Variants in ADGRL2 observed in about 807,000 individuals in gnomAD.
The protein encoded by ADGRL2 is calcium-independent alpha-latrotoxin receptor 2.
ADGRL2 carries 44 observed loss-of-function variants against 157.4 expected under a neutral mutation model. That is an observed-to-expected ratio of 0.28 (90% confidence interval 0.22 to 0.36). The LOEUF (loss-of-function observed/expected upper bound fraction) is 0.36. ADGRL2 is among the 10% of genes least tolerant of loss of function. The pLI, the probability that ADGRL2 is intolerant of heterozygous loss-of-function variation, is 1.00. For missense variants in ADGRL2, 1,510 were observed against 1,768.9 expected (o/e 0.85, Z 2.63); for synonymous variants, 585 against 624.7 (o/e 0.94, Z 0.95).
chr1:81,410,247 C>T (rs189542193), intron 1 of ADGRL2, among the ~76,000 whole-genome samples: 122 of 152,308 alleles, frequency 8.0e-4, no homozygotes, highest in Admixed American at 2.1e-3. Flanking sequence ...GATTTGCTAT[C>T]TACCTTTAAA....
chr1:81,970,638 C>T, intron 16 of ADGRL2, 104 bp downstream of exon 16: 1 of 805,690 alleles, frequency 1.2e-6, no homozygotes, highest in Non-Finnish European at 2.0e-6. Flanking sequence ...CATCTGAAAG[C>T]TTTATTGGTA....
chr1:81,928,967 A>G (rs2095169817), intron 3 of ADGRL2, among the ~76,000 whole-genome samples: 1 of 152,194 alleles, frequency 6.6e-6, no homozygotes, highest in Non-Finnish European at 1.5e-5. Context: ...AATAGCCACT[A>G]AAATATTTAA....
At chr1:81,459,717 TATACACACAC>T (rs1252024514) in intron 2 of ADGRL2, among the ~76,000 whole-genome samples, 1 of 151,262 alleles carries the variant, frequency 6.6e-6, no homozygotes, top group Non-Finnish European at 1.5e-5. Flanking sequence ...CACACACACA[TATACACACAC>T]ATACACACAC....
At chr1:81,968,336 C>T (rs765709228) in intron 14 of ADGRL2, 137 bp downstream of exon 14, 68 of 717,864 alleles carry the variant, frequency 9.5e-5, no homozygotes, top group Non-Finnish European at 1.5e-4. Context: ...ATTGTTTCTA[C>T]ACTGTCCATA....
At chr1:81,626,862 T>C (rs1377806595) in intron 3 of ADGRL2, among the ~76,000 whole-genome samples, 1 of 152,124 alleles carries the variant, frequency 6.6e-6, no homozygotes, top group African/African-American at 2.4e-5. Context: ...GGGAGGAGAA[T>C]ATTGGCAGTT....
intron 2 of ADGRL2, among the ~76,000 whole-genome samples, chr1:81,479,160 T>G (rs1302557387): frequency 1.3e-5 from 2 of 151,368 alleles, no homozygotes; most frequent in Non-Finnish European, 1.5e-5. Flanking sequence ...ATTAAAATAT[T>G]TTTTTCTTTT....
intron 1 of ADGRL2, among the ~76,000 whole-genome samples, chr1:81,719,711 A>C (rs1008976542): frequency 2.0e-5 from 3 of 152,150 alleles, no homozygotes; most frequent in African/African-American, 7.2e-5. Flanking sequence ...TTCCAGGTGC[A>C]TCATATATCA....
At chr1:81,439,055 G>A (rs905372502) in intron 1 of ADGRL2, among the ~76,000 whole-genome samples, 15 of 152,098 alleles carry the variant, frequency 9.9e-5, no homozygotes, top group African/African-American at 3.4e-4. Flanking sequence ...AAAACTCCCA[G>A]AGAACCTTTT....
intron 1 of ADGRL2, among the ~76,000 whole-genome samples, chr1:81,406,265 A>G (rs2076852330): frequency 6.6e-6 from 1 of 152,172 alleles, no homozygotes; most frequent in Admixed American, 6.5e-5. Context: ...CCTTTCAAAT[A>G]CAATTTAGGT....
At chr1:81,557,524 A>AGAAAGAAG (rs1491365399) in intron 2 of ADGRL2, 17 of 150,244 alleles carry the variant, frequency 1.1e-4, no homozygotes, top group African/African-American at 4.2e-4. Context: ...AAAGAAAGAA[A>AGAAAGAAG]GAGAAGAAAG....
upstream of ADGRL2, among the ~76,000 whole-genome samples, chr1:81,695,822 C>CA (rs36057272): frequency 0.11 from 13,958 of 123,234 alleles, 777 homozygotes; most frequent in Middle Eastern, 0.19. Flanking sequence ...GACTCTGTTT[C>CA]AAAAAAAAAA....
intron 17 of ADGRL2, among the ~76,000 whole-genome samples, chr1:81,977,138 G>T (rs910399284): frequency 1.4e-4 from 22 of 151,844 alleles, no homozygotes; most frequent in African/African-American, 5.1e-4. Flanking sequence ...ATCTTTGGAA[G>T]GACACATCTC....
chr1:81,814,762 A>T (rs1389754023), intron 1 of ADGRL2, among the ~76,000 whole-genome samples: 2 of 151,356 alleles, frequency 1.3e-5, no homozygotes, highest in African/African-American at 4.8e-5. Flanking sequence ...TATAAAAAAT[A>T]CTTTTTATTA....
At chr1:81,537,853 C>T (rs2148300216) in intron 2 of ADGRL2, among the ~76,000 whole-genome samples, 1 of 152,064 alleles carries the variant, frequency 6.6e-6, no homozygotes, top group African/African-American at 2.4e-5. Context: ...GTGTTCACCA[C>T]CACGCCCAGC....
intron 2 of ADGRL2, among the ~76,000 whole-genome samples, chr1:81,789,956 T>C (rs975510612): frequency 6.6e-6 from 1 of 152,256 alleles, no homozygotes; most frequent in East Asian, 1.9e-4. Flanking sequence ...GATAGAAACA[T>C]GGTACTTTTT....
At chr1:81,810,491 AT>A (rs1233317274) in intron 1 of ADGRL2, among the ~76,000 whole-genome samples, 1 of 151,856 alleles carries the variant, frequency 6.6e-6, no homozygotes, top group East Asian at 1.9e-4. Context: ...GTGGTTATTG[AT>A]TAGAAATTAC....
chr1:81,428,614 G>A (rs553199110), intron 1 of ADGRL2, among the ~76,000 whole-genome samples: 1 of 152,292 alleles, frequency 6.6e-6, no homozygotes, highest in South Asian at 2.1e-4. Flanking sequence ...CAATTTTAGA[G>A]GAAGAGTAAA....
intron 1 of ADGRL2, among the ~76,000 whole-genome samples, chr1:81,438,242 C>T (rs998342711): frequency 6.6e-5 from 10 of 152,114 alleles, no homozygotes; most frequent in African/African-American, 2.4e-4. Context: ...CAGCTTATAC[C>T]TGCTCAGGAG....
intron 2 of ADGRL2, among the ~76,000 whole-genome samples, chr1:81,845,245 A>T (rs34194463): frequency 0.078 from 11,795 of 152,168 alleles, 529 homozygotes; most frequent in South Asian, 0.15. Flanking sequence ...CAAATTATTT[A>T]ATCCTCCTTT....
Sources: allele counts gnomAD v4.1 joint callset (sites outside exome capture counted in the v4.1 genomes callset), GRCh38; gene constraint gnomAD v4.1.1; transcripts MANE v1.5; gene names NCBI Gene and HGNC (gene_info 2026-07-23, HGNC 2026-07-21).